TSPAN9: variants seen among roughly 807,000 people sequenced by gnomAD.
TSPAN9 encodes tetraspanin 9.
In TSPAN9, 16 loss-of-function variants were observed where a neutral mutation model predicts 31.0. The observed-to-expected ratio is 0.52, with a 90% CI of 0.35 to 0.78. The LOEUF (loss-of-function observed/expected upper bound fraction) is 0.78. Ranked by LOEUF, TSPAN9 falls within the 30% of genes least tolerant of loss-of-function variation. The pLI, the probability that TSPAN9 is intolerant of heterozygous loss-of-function variation, is 0.01. For missense variants in TSPAN9, 272 were observed against 312.5 expected, an observed-to-expected ratio of 0.87 and a Z score of 0.98; for synonymous variants, 145 against 121.6, an observed-to-expected ratio of 1.19 and a Z score of -1.27.
rs747202375 is a variant in TSPAN9, at chr12:3,278,627, A to G, written c.255+15A>G. 1.9e-5 allele frequency: 31 copies of G among 1,608,302 alleles called. No homozygotes were observed. The highest frequency in any genetic ancestry group is 2.5e-5 in the Non-Finnish European group (29 of 1,176,224). ...TCCTCCTCAGCGTAAGTTCTGTCCA[A>G]ATCCCCAGCCCCTCCAACTCCTGAT... On this transcript the variant is annotated intron_variant, in intron 4 of 8. Coordinates refer to ENST00000011898, the MANE Select transcript of TSPAN9 (RefSeq NM_006675.5).
chr12:3,242,511 G>A (rs2153977272), intron 3 of TSPAN9, among the ~76,000 whole-genome samples: 1 of 152,384 alleles, frequency 6.6e-6, no homozygotes, highest in East Asian at 1.9e-4. Flanking sequence ...ACAGAGCCCA[G>A]AGTAGAAACT....
intron 2 of TSPAN9, among the ~76,000 whole-genome samples, chr12:3,163,605 A>G (rs765126115): frequency 9.9e-5 from 15 of 152,142 alleles, no homozygotes; most frequent in Non-Finnish European, 2.1e-4. Context: ...TGTTCTGCCT[A>G]CAGCTTTTTG....
At chr12:3,244,573 C>G (rs1190605097) in intron 3 of TSPAN9, among the ~76,000 whole-genome samples, 4 of 152,216 alleles carry the variant, frequency 2.6e-5, no homozygotes, top group Admixed American at 6.5e-5. Context: ...GGAGAACGCA[C>G]TCTCGAGCCA....
At chr12:3,252,406 G>T (rs1010544263) in intron 3 of TSPAN9, among the ~76,000 whole-genome samples, 1 of 152,252 alleles carries the variant, frequency 6.6e-6, no homozygotes, top group Non-Finnish European at 1.5e-5. Context: ...CGTGGCAGGT[G>T]TGTGCACAGG....
intron 2 of TSPAN9, among the ~76,000 whole-genome samples, chr12:3,174,780 C>T (rs574260991): frequency 7.4e-5 from 11 of 148,726 alleles, no homozygotes; most frequent in East Asian, 6.1e-4. Flanking sequence ...GACGGGGTTT[C>T]ACCGTGTTAG....
chr12:3,252,736 G>T (rs953607602), intron 3 of TSPAN9, among the ~76,000 whole-genome samples: 4 of 152,236 alleles, frequency 2.6e-5, no homozygotes, highest in Admixed American at 2.6e-4. Context: ...CATCCGTGTG[G>T]CCTATTTTAA....
rs183951751 is a variant in TSPAN9 at position 3,132,967 on chromosome 12, G to T, written c.-18+49248G>T. Among the ~76,000 whole-genome samples the T allele has an allele frequency of 1.1e-4, 16 of 152,236 alleles. No individual in the cohort carries two copies. The East Asian group carries it at 2.9e-3, about 28-fold the overall frequency. On this transcript the variant is annotated intron_variant, in intron 2 of 8. Coordinates refer to ENST00000011898, the MANE Select transcript of TSPAN9 (RefSeq NM_006675.5). ...GGTCCTGCCTCCTCCAGATTGTCTCGAGAGGCGTTGTAAGAGCCTCACTCC... is the reference window on the plus strand; with the variant it reads ...GGTCCTGCCTCCTCCAGATTGTCTCTAGAGGCGTTGTAAGAGCCTCACTCC...
chr12:3,271,611 G>A lies in TSPAN9; in HGVS notation c.64-6810G>A, dbSNP rs1008635738. ...TGAGCATTCAGCCCCTGGGAGACCC[G>A]TGTGGCTGCATCCCACCCCATGGTT... On this transcript the variant is annotated intron_variant, in intron 3 of 8. Transcript: ENST00000011898. Among the ~76,000 whole-genome samples the A allele has an allele frequency of 4.0e-5, 6 of 151,862 alleles. No individual in the cohort carries two copies. In the South Asian group the frequency reaches 8.3e-4, roughly 21 times the overall value.
Position 3,145,182 on chromosome 12 carries a change from AC to A in TSPAN9, c.-17-55993del, listed in dbSNP as rs1219129839. 3.9e-5 allele frequency among the ~76,000 whole-genome samples: 6 copies of A among 152,118 alleles called. No individual in the cohort carries two copies. In the East Asian group the frequency reaches 1.2e-3, roughly 30 times the overall value. On this transcript the variant is annotated intron_variant, in intron 2 of 8. Coordinates refer to ENST00000011898, the MANE Select transcript of TSPAN9 (RefSeq NM_006675.5). Reference sequence around the variant, plus strand: ...GATGACGCGTTTGTCAACTGCTTGGACCGTGAGGCCCTCCGGTCAGGACCGC... The same window carrying A: ...GATGACGCGTTTGTCAACTGCTTGGACGTGAGGCCCTCCGGTCAGGACCGC...
intron 2 of TSPAN9, among the ~76,000 whole-genome samples, chr12:3,091,818 C>T (rs1173016971): frequency 6.6e-6 from 1 of 152,208 alleles, no homozygotes; most frequent in East Asian, 1.9e-4. Context: ...CGCCTCTGGC[C>T]TGGCCTCTTC....
chr12:3,243,416 A>C (rs2098397663), intron 3 of TSPAN9, among the ~76,000 whole-genome samples: 1 of 152,098 alleles, frequency 6.6e-6, no homozygotes, highest in South Asian at 2.1e-4. Context: ...CAGAGAAGTT[A>C]AGTAATTTGC....
chr12:3,204,705 G>A (rs1200667592), intron 3 of TSPAN9, among the ~76,000 whole-genome samples: 3 of 152,082 alleles, frequency 2.0e-5, no homozygotes, highest in Non-Finnish European at 4.4e-5. Context: ...CCCCTGCCCC[G>A]ACTCTCAGGG....
rs2098361843 is a variant in TSPAN9, at chr12:3,187,144, C to T, written c.-17-14033C>T. Among the ~76,000 whole-genome samples the T allele has an allele frequency of 6.6e-6, 1 of 152,106 alleles. No individual in the cohort carries two copies. Among genetic ancestry groups the T allele is most frequent in the Non-Finnish European group, 1.5e-5 (1 of 68,018 alleles). ...TGTGCTGTGCTTTCAGAGGGGAGGG[C>T]CTCTGTTTTCTTTCACTTGGCAGAT... On this transcript the variant is annotated intron_variant, in intron 2 of 8. Transcript: ENST00000011898. This position sits in a 1 kb window ranked among gnomAD's most constrained non-coding sequence, Gnocchi z 5.2.
intron 3 of TSPAN9, among the ~76,000 whole-genome samples, chr12:3,259,092 A>C (rs1862403313): frequency 6.6e-6 from 1 of 152,234 alleles, no homozygotes; most frequent in Admixed American, 6.5e-5. Context: ...GTGCTTATTT[A>C]GCCTATTAGT....
At chr12:3,264,662 C>T (rs758616) in intron 3 of TSPAN9, among the ~76,000 whole-genome samples, 107,554 of 152,148 alleles carry the variant, frequency 0.71, 38,267 homozygotes, top group East Asian at 0.87. Context: ...CACAGGCTCC[C>T]GACTCACGGC....
intron 3 of TSPAN9, among the ~76,000 whole-genome samples, chr12:3,266,738 C>T (rs1862544725): frequency 6.6e-6 from 1 of 152,174 alleles, no homozygotes; most frequent in African/African-American, 2.4e-5. Flanking sequence ...ATCCCGTGTC[C>T]CCCATGAAGC....
At position 3,192,214 on chromosome 12, in the gene TSPAN9, C is replaced by T. The variant is rs547055896; in HGVS notation, c.-17-8963C>T. Among the ~76,000 whole-genome samples, 1 of 152,298 alleles carries T rather than the reference C, an allele frequency of 6.6e-6. No individual in the cohort carries two copies. The highest frequency in any genetic ancestry group is 1.9e-4 in the East Asian group (1 of 5,174). On this transcript the variant is annotated intron_variant, in intron 2 of 8. Coordinates refer to ENST00000011898, the MANE Select transcript of TSPAN9 (RefSeq NM_006675.5). This position sits in a 1 kb window ranked among gnomAD's most constrained non-coding sequence, Gnocchi z 4.6. ...CTAGAAAAGTAGACTAGGAAACACA[C>T]AGGCACACACACAATTGTAATCCAA...
At chr12:3,163,051 C>T (rs189549032) in intron 2 of TSPAN9, among the ~76,000 whole-genome samples, 1 of 152,304 alleles carries the variant, frequency 6.6e-6, no homozygotes, top group East Asian at 1.9e-4. Flanking sequence ...TATTCCCATC[C>T]CCTTCCATGG....
chr12:3,238,197 C>T (rs957305618), intron 3 of TSPAN9, among the ~76,000 whole-genome samples: 5 of 152,318 alleles, frequency 3.3e-5, no homozygotes, highest in Admixed American at 6.5e-5. Flanking sequence ...AGAGACACCA[C>T]GTGATCTGCC....
Sources: gnomAD v4.1 joint callset for allele counts (sites outside exome capture counted in the v4.1 genomes callset) on GRCh38, gnomAD v4.1.1 for gene constraint, Gnocchi (gnomAD v3.1) non-coding constraint, MANE v1.5 for transcripts, NCBI Gene and HGNC (gene_info 2026-07-23, HGNC 2026-07-21) for gene names.